The following ADGRL2 variants were observed in gnomAD, a reference collection of about 807,000 sequenced individuals.
The protein encoded by ADGRL2 is calcium-independent alpha-latrotoxin receptor 2.
ADGRL2 carries 44 observed loss-of-function variants against 157.4 expected under a neutral mutation model. The ratio of observed to expected loss-of-function variants is 0.28; its 90% CI spans 0.22 to 0.36. The LOEUF (loss-of-function observed/expected upper bound fraction) is 0.36, where lower values mean the gene tolerates loss of function less well. Ranked by LOEUF, ADGRL2 falls within the 10% of genes least tolerant of loss-of-function variation. The pLI, the probability that ADGRL2 is intolerant of heterozygous loss-of-function variation, is 1.00. For synonymous variants in ADGRL2, 585 were observed against 624.7 expected (o/e 0.94, Z 0.95); for missense variants, 1,510 against 1,768.9 (o/e 0.85, Z 2.63).
intron 10 of ADGRL2, among the ~76,000 whole-genome samples, chr1:81,953,402 T>C (rs1458404673): frequency 1.3e-5 from 2 of 152,156 alleles, no homozygotes; most frequent in Non-Finnish European, 2.9e-5. Flanking sequence ...AGTCATAATA[T>C]ATGTGCATGA....
At chr1:81,460,214 G>A (rs1405075025) in intron 2 of ADGRL2, among the ~76,000 whole-genome samples, 1 of 151,120 alleles carries the variant, frequency 6.6e-6, no homozygotes, top group African/African-American at 2.4e-5. Context: ...CCTCCCATTT[G>A]CCTATTTTTA....
intron 3 of ADGRL2, among the ~76,000 whole-genome samples, chr1:81,930,692 C>T (rs976861914): frequency 6.6e-5 from 10 of 152,146 alleles, no homozygotes; most frequent in African/African-American, 2.4e-4. Flanking sequence ...AATTAATAAA[C>T]TATTAATCTT....
chr1:81,362,618 C>T (rs970356063), intron 1 of ADGRL2, among the ~76,000 whole-genome samples: 18 of 151,760 alleles, frequency 1.2e-4, no homozygotes, highest in Non-Finnish European at 4.4e-5. Flanking sequence ...TAGCAGTGAT[C>T]AATGAGGACT....
At chr1:81,764,144 A>T (rs2086017744) in intron 2 of ADGRL2, among the ~76,000 whole-genome samples, 1 of 145,668 alleles carries the variant, frequency 6.9e-6, no homozygotes, top group Non-Finnish European at 1.5e-5. Flanking sequence ...GTGAGCTGAG[A>T]TTGCACCACT....
intron 3 of ADGRL2, among the ~76,000 whole-genome samples, chr1:81,652,671 A>G (rs1471633712): frequency 1.3e-5 from 2 of 152,162 alleles, no homozygotes; most frequent in Non-Finnish European, 2.9e-5. Flanking sequence ...TCAACTTTTT[A>G]TTGTTAATGT....
chr1:81,769,408 C>T (rs1303950556), intron 2 of ADGRL2, among the ~76,000 whole-genome samples: 1 of 151,988 alleles, frequency 6.6e-6, no homozygotes, highest in African/African-American at 2.4e-5. Flanking sequence ...ATTTTAAAAA[C>T]AAGAAACTAT....
intron 3 of ADGRL2, among the ~76,000 whole-genome samples, chr1:81,679,587 T>A (rs372203279): frequency 6.6e-6 from 1 of 152,130 alleles, no homozygotes; most frequent in Non-Finnish European, 1.5e-5. Flanking sequence ...TTGCACATAG[T>A]TTTAGGAAGC....
chr1:81,766,707 G>C (rs1439487090), intron 2 of ADGRL2, among the ~76,000 whole-genome samples: 1 of 151,706 alleles, frequency 6.6e-6, no homozygotes, highest in Non-Finnish European at 1.5e-5. Context: ...GCACATGCCT[G>C]TAATCCCAGC....
chr1:81,834,127 G>A (rs1027285646), intron 1 of ADGRL2, among the ~76,000 whole-genome samples: 1 of 152,060 alleles, frequency 6.6e-6, no homozygotes, highest in Non-Finnish European at 1.5e-5. Context: ...GAACTATTAC[G>A]TAGCAAGCAT....
intron 2 of ADGRL2, among the ~76,000 whole-genome samples, chr1:81,890,958 T>C (rs2094248121): frequency 1.3e-5 from 2 of 152,270 alleles, no homozygotes; most frequent in South Asian, 2.1e-4. Context: ...TCCCGTTTCT[T>C]GGTACCTCAG....
At chr1:81,407,334 C>A (rs1238385513) in intron 1 of ADGRL2, among the ~76,000 whole-genome samples, 1 of 152,192 alleles carries the variant, frequency 6.6e-6, no homozygotes, top group African/African-American at 2.4e-5. Context: ...CCCTTCACCC[C>A]CTCCCGCAAA....
At chr1:81,615,623 C>A (rs762598028) in intron 3 of ADGRL2, among the ~76,000 whole-genome samples, 1 of 152,122 alleles carries the variant, frequency 6.6e-6, no homozygotes, top group Non-Finnish European at 1.5e-5. Context: ...TTGAAGTCAG[C>A]GAGACCAAGA....
intron 21 of ADGRL2, 59 bp from the exon 22 acceptor site, chr1:81,986,842 A>C (rs916924674): frequency 1.2e-5 from 18 of 1,555,024 alleles, no homozygotes; most frequent in Admixed American, 1.9e-5. Flanking sequence ...CTGTAACACT[A>C]AAATAAGAAA....
intron 3 of ADGRL2, among the ~76,000 whole-genome samples, chr1:81,909,305 C>G (rs1448695983): frequency 6.6e-6 from 1 of 152,094 alleles, no homozygotes; most frequent in South Asian, 2.1e-4. Flanking sequence ...ATCTCTTTCT[C>G]AAATATTTTC....
chr1:81,668,988 T>C (rs565706297), intron 3 of ADGRL2, among the ~76,000 whole-genome samples: 4 of 152,262 alleles, frequency 2.6e-5, no homozygotes, highest in African/African-American at 9.6e-5. Flanking sequence ...CATTATTACA[T>C]TCTTTTAGTT....
At chr1:81,422,336 C>T (rs1275878131) in intron 1 of ADGRL2, among the ~76,000 whole-genome samples, 1 of 152,186 alleles carries the variant, frequency 6.6e-6, no homozygotes, top group African/African-American at 2.4e-5. Context: ...TCTCCACCTC[C>T]TGAATTCAAG....
Position 81,990,909 on chromosome 1 carries a change from C to T in ADGRL2, c.4174C>T (p.Pro1392Ser). 1.2e-6 allele frequency: 2 copies of T among 1,613,918 alleles called. No homozygotes were observed. Among genetic ancestry groups the T allele is most frequent in the Non-Finnish European group, 1.7e-6 (2 of 1,180,004 alleles). Reference sequence around the variant, plus strand: ...AAGCATGCCCAATCTTAGAGACTCTCCCTATCCGGAGAGCAGCCCTGACAT... The same window carrying T: ...AAGCATGCCCAATCTTAGAGACTCTTCCTATCCGGAGAGCAGCCCTGACAT... ...YTSMPNLRDSPYPESSPDMEE... is the reference protein window; with the variant it reads ...YTSMPNLRDSSYPESSPDMEE... Residue 1392 changes from proline to serine, a missense_variant, in exon 24 of 24, where the codon CCC (proline) becomes TCC (serine). By Grantham distance (74) the Pro-to-Ser change is moderately conservative. This residue lies in a region of ADGRL2 where 327 missense variants were observed against 310.1 expected (regional missense o/e 1.05). Transcript: ENST00000686636.
At position 81,651,943 on chromosome 1, in the gene ADGRL2, T is replaced by C. The variant is rs550289171; in HGVS notation, c.-143+70963T>C. ...TCTCACTATGTTGTCCTGGCCTCAA[T>C]TGAACCTCACACCTCGGCCTCCCAA... is the stretch of plus-strand genomic sequence containing the variant. On this transcript the variant is annotated intron_variant, in intron 3 of 24. Coordinates refer to the ADGRL2 transcript ENST00000370721. 4.8e-4 allele frequency among the ~76,000 whole-genome samples: 73 copies of C among 152,178 alleles called. No individual in the cohort carries two copies. The South Asian group carries it at 0.014, about 29-fold the overall frequency.
intron 1 of ADGRL2, among the ~76,000 whole-genome samples, chr1:81,814,853 C>T (rs1349498934): frequency 6.6e-6 from 1 of 151,484 alleles, no homozygotes; most frequent in Admixed American, 6.6e-5. Context: ...ATGTTAAAAT[C>T]TTAGAATATC....
Sources: gnomAD v4.1 joint callset for allele counts (sites outside exome capture counted in the v4.1 genomes callset) on GRCh38, gnomAD v4.1.1 for gene constraint, gnomAD v4.1.1 regional missense constraint, MANE v1.5 for transcripts, NCBI Gene and HGNC (gene_info 2026-07-23, HGNC 2026-07-21) for gene names.